The following ADK variants were observed in gnomAD, a reference collection of about 807,000 sequenced individuals.
ADK encodes the protein N6,N6-dimethyladenosine kinase.
ADK carries 24 observed loss-of-function variants against 44.7 expected under a neutral mutation model. The observed-to-expected ratio is 0.54, with a 90% CI of 0.39 to 0.76. The LOEUF (loss-of-function observed/expected upper bound fraction) is 0.76, where lower values mean the gene tolerates loss of function less well. ADK is among the 30% of genes least tolerant of loss of function. The pLI is 0.00. For synonymous variants in ADK, 128 were observed against 142.6 expected (o/e 0.90, Z 0.73); for missense variants, 321 against 425.1 (o/e 0.76, Z 2.15).
intron 4 of ADK, among the ~76,000 whole-genome samples, chr10:74,341,663 T>C (rs1309118762): frequency 6.6e-6 from 1 of 152,224 alleles, no homozygotes; most frequent in African/African-American, 2.4e-5. Context: ...AAATCCAGTG[T>C]ATGTTGGCTC....
chr10:74,684,707 G>C (rs1239081139), intron 10 of ADK, among the ~76,000 whole-genome samples: 1 of 152,290 alleles, frequency 6.6e-6, no homozygotes, highest in African/African-American at 2.4e-5. Context: ...AGGAGGTCAA[G>C]GCTGCAGTGA....
intron 5 of ADK, among the ~76,000 whole-genome samples, chr10:74,396,282 C>T (rs939144902): frequency 1.3e-5 from 2 of 152,070 alleles, no homozygotes; most frequent in African/African-American, 4.8e-5. Flanking sequence ...CCTTGTAATC[C>T]TAACACTTTA....
chr10:74,665,232 T>A (rs577086438), intron 9 of ADK, among the ~76,000 whole-genome samples: 2 of 152,342 alleles, frequency 1.3e-5, no homozygotes, highest in South Asian at 4.1e-4. Context: ...TATTTCTAAA[T>A]AGTTTTTTAA....
At chr10:74,643,983 C>T (rs921840768) in intron 9 of ADK, among the ~76,000 whole-genome samples, 1 of 152,192 alleles carries the variant, frequency 6.6e-6, no homozygotes, top group African/African-American at 2.4e-5. Flanking sequence ...ACTCACTTCT[C>T]TGGGTTTCTA....
intron 6 of ADK, among the ~76,000 whole-genome samples, chr10:74,415,048 T>C (rs1564708791): frequency 6.6e-6 from 1 of 152,324 alleles, no homozygotes; most frequent in East Asian, 1.9e-4. Flanking sequence ...TTATGGGAGC[T>C]TAGGAGCCCT....
At chr10:74,669,012 C>T (rs569307471) in intron 9 of ADK, among the ~76,000 whole-genome samples, 2 of 151,176 alleles carry the variant, frequency 1.3e-5, no homozygotes, top group East Asian at 3.9e-4. Flanking sequence ...AACTGCACTC[C>T]AGCCTGGATG....
At chr10:74,344,541 C>G (rs1414921813) in intron 4 of ADK, 3 of 240,776 alleles carry the variant, frequency 1.2e-5, no homozygotes, top group East Asian at 2.1e-4. Flanking sequence ...TAGGACTTCT[C>G]TATCATGGTT....
intron 1 of ADK, among the ~76,000 whole-genome samples, chr10:74,192,144 G>A (rs1014333496): frequency 1.3e-5 from 2 of 152,066 alleles, no homozygotes. Flanking sequence ...TTTTATGGGT[G>A]TACCATAGTT....
chr10:74,666,371 T>C (rs566924571), intron 9 of ADK, among the ~76,000 whole-genome samples: 2 of 152,340 alleles, frequency 1.3e-5, no homozygotes, highest in Admixed American at 6.5e-5. Context: ...AAATCTGTTA[T>C]CAACTGAATT....
chr10:74,473,206 A>G (rs967726147), intron 6 of ADK, among the ~76,000 whole-genome samples: 5 of 152,074 alleles, frequency 3.3e-5, no homozygotes, highest in African/African-American at 9.6e-5. Flanking sequence ...ACACACACAC[A>G]CACACACACA....
chr10:74,460,701 T>C (rs902781799), intron 6 of ADK, among the ~76,000 whole-genome samples: 1 of 152,214 alleles, frequency 6.6e-6, no homozygotes. Flanking sequence ...ATATGTAAGA[T>C]TGTCCTTAAC....
chr10:74,595,699 A>ATTC (rs1851894143), intron 8 of ADK, among the ~76,000 whole-genome samples: 2 of 28 alleles, frequency 0.071, no homozygotes, highest in East Asian at 0.5. Context: ...ACAGATTAAA[A>ATTC]AAATAGGCTA....
At chr10:74,670,982 G>T (rs1283969552) in intron 10 of ADK, among the ~76,000 whole-genome samples, 2 of 143,510 alleles carry the variant, frequency 1.4e-5, no homozygotes, top group Non-Finnish European at 3.0e-5. Flanking sequence ...TACCCCAAAG[G>T]GGTCTTTCCT....
At chr10:74,695,498 ATGTG>A (rs1374166224) in intron 10 of ADK, among the ~76,000 whole-genome samples, 5 of 124,416 alleles carry the variant, frequency 4.0e-5, no homozygotes, top group East Asian at 2.5e-4. Context: ...GTGTGTGTGT[ATGTG>A]TGTATGTGTG....
rs117656485 is a variant in ADK, at chr10:74,594,748, A to G, written c.762+5431A>G. Among the ~76,000 whole-genome samples, 163 of 152,242 alleles carry G rather than the reference A, an allele frequency of 1.1e-3. 2 individuals carry two copies. In the East Asian group the frequency reaches 0.03, roughly 28 times the overall value. On this transcript the variant is annotated intron_variant, in intron 8 of 10. Coordinates refer to ENST00000539909, the MANE Select transcript of ADK (RefSeq NM_006721.4). ...TGTGATCACCAATGACAATAAAACCATATTTCTACATTTATAAAATGCTCA... is the reference window on the plus strand; with the variant it reads ...TGTGATCACCAATGACAATAAAACCGTATTTCTACATTTATAAAATGCTCA...
At chr10:74,413,396 C>A (rs1682937399) in intron 6 of ADK, among the ~76,000 whole-genome samples, 1 of 152,200 alleles carries the variant, frequency 6.6e-6, no homozygotes, top group Admixed American at 6.5e-5. Flanking sequence ...ATGATGTTGG[C>A]AAGATCTGGG....
chr10:74,253,832 T>C (rs1845733964), intron 3 of ADK, among the ~76,000 whole-genome samples: 1 of 149,774 alleles, frequency 6.7e-6, no homozygotes, highest in African/African-American at 2.5e-5. Flanking sequence ...AGGGGTGTGA[T>C]CTCTGCTCAC....
At chr10:74,446,903 G>C (rs1488789618) in intron 6 of ADK, among the ~76,000 whole-genome samples, 1 of 152,002 alleles carries the variant, frequency 6.6e-6, no homozygotes, top group South Asian at 2.1e-4. Context: ...AGGAGGCTTT[G>C]GGGGGTTGTT....
At chr10:74,442,573 G>A (rs1287894604) in intron 6 of ADK, among the ~76,000 whole-genome samples, 1 of 152,200 alleles carries the variant, frequency 6.6e-6, no homozygotes, top group East Asian at 1.9e-4. Context: ...TCAAACCCAG[G>A]AGGTGGAGGT....
Sources: allele counts gnomAD v4.1 joint callset (sites outside exome capture counted in the v4.1 genomes callset), GRCh38; gene constraint gnomAD v4.1.1; transcripts MANE v1.5; gene names NCBI Gene and HGNC (gene_info 2026-07-23, HGNC 2026-07-21).